Variants in TMEM131L observed in about 807,000 individuals in gnomAD.
The protein encoded by TMEM131L is transmembrane protein 131-like.
TMEM131L carries 54 observed loss-of-function variants against 192.2 expected under a neutral mutation model. The ratio of observed to expected loss-of-function variants is 0.28; its 90% CI spans 0.23 to 0.35. The LOEUF (loss-of-function observed/expected upper bound fraction) is 0.35. TMEM131L is among the 10% of genes least tolerant of loss of function. The pLI, the probability that TMEM131L is intolerant of heterozygous loss-of-function variation, is 1.00. For missense variants in TMEM131L, 1,888 were observed against 1,972.9 expected, an observed-to-expected ratio of 0.96 and a Z score of 0.82; for synonymous variants, 701 against 704.9, an observed-to-expected ratio of 0.99 and a Z score of 0.09.
At chr4:153,521,316 G>T (rs1487854024) in intron 3 of TMEM131L, among the ~76,000 whole-genome samples, 4 of 152,136 alleles carry the variant, frequency 2.6e-5, no homozygotes, top group East Asian at 1.9e-4. Context: ...AGTCTGGGCC[G>T]TGGCCTTCCA....
At chr4:153,535,329 C>T (rs184443254) in intron 3 of TMEM131L, among the ~76,000 whole-genome samples, 19 of 152,204 alleles carry the variant, frequency 1.2e-4, no homozygotes, top group Admixed American at 7.8e-4. Flanking sequence ...GATGTCTTTT[C>T]GACATTCCAG....
intron 7 of TMEM131L, among the ~76,000 whole-genome samples, chr4:153,575,757 G>A (rs1291167406): frequency 1.3e-5 from 2 of 152,034 alleles, no homozygotes; most frequent in East Asian, 3.9e-4. Flanking sequence ...AGTATGGGAG[G>A]TTTCAAAACT....
intron 3 of TMEM131L, among the ~76,000 whole-genome samples, chr4:153,536,939 G>A (rs1297949952): frequency 6.6e-6 from 1 of 152,156 alleles, no homozygotes; most frequent in Non-Finnish European, 1.5e-5. Flanking sequence ...TGGCTGGGAG[G>A]CTAAGCCAGT....
chr4:153,521,015 GTTC>G (rs2150145390), intron 3 of TMEM131L, among the ~76,000 whole-genome samples: 1 of 152,208 alleles, frequency 6.6e-6, no homozygotes, highest in East Asian at 1.9e-4. Flanking sequence ...TGGGAAGCCA[GTTC>G]TTTGTGTGTG....
intron 3 of TMEM131L, among the ~76,000 whole-genome samples, chr4:153,545,428 C>T (rs1331681257): frequency 6.6e-6 from 1 of 151,948 alleles, no homozygotes; most frequent in African/African-American, 2.4e-5. Context: ...GCTGGGACTA[C>T]AGGCGCCCGC....
intron 26 of TMEM131L, among the ~76,000 whole-genome samples, chr4:153,619,361 T>C (rs113138189): frequency 0.028 from 4,279 of 152,336 alleles, 156 homozygotes; most frequent in African/African-American, 0.089. Context: ...GGTGCATGTC[T>C]GTTTAACATT....
At position 153,635,428 on chromosome 4, in the gene TMEM131L, G is replaced by T. The variant is rs376318551; in HGVS notation, c.4418-4G>T. On this transcript the variant is annotated splice_polypyrimidine_tract_variant and splice_region_variant and intron_variant, in intron 33 of 34. Coordinates refer to ENST00000409959, the MANE Select transcript of TMEM131L (RefSeq NM_001131007.2). Reference sequence around the variant, plus strand: ...CTATGATGATATTCTCCCATTCTTTGTAGAAAACATGAACTATGCCAATGG... The same window carrying T: ...CTATGATGATATTCTCCCATTCTTTTTAGAAAACATGAACTATGCCAATGG... 4.9e-5 allele frequency: 79 copies of T among 1,613,154 alleles called. No individual in the cohort carries two copies. Among genetic ancestry groups the T allele is most frequent in the Non-Finnish European group, 5.3e-5 (62 of 1,179,424 alleles).
intron 28 of TMEM131L, 23 bp downstream of exon 28, chr4:153,621,872 A>G (rs1392455797): frequency 1.2e-6 from 2 of 1,609,602 alleles, no homozygotes; most frequent in South Asian, 2.2e-5. Context: ...ACTGAGCTAC[A>G]AATGGTGCTT....
chr4:153,566,903 C>T (rs1444816175), intron 7 of TMEM131L, among the ~76,000 whole-genome samples: 2 of 152,166 alleles, frequency 1.3e-5, no homozygotes, highest in Admixed American at 6.5e-5. Flanking sequence ...CTGGCACAGC[C>T]CTTGCTTTCA....
intron 33 of TMEM131L, 44 bp downstream of exon 33, chr4:153,634,324 A>G (rs1013614465): frequency 2.1e-6 from 3 of 1,455,758 alleles, no homozygotes; most frequent in African/African-American, 2.8e-5. Flanking sequence ...TTTTATTCTT[A>G]GAAGGTCAAA....
chr4:153,591,701 C>T (rs1731078227), intron 17 of TMEM131L, among the ~76,000 whole-genome samples: 1 of 152,194 alleles, frequency 6.6e-6, no homozygotes. Context: ...TGGCTAAGAA[C>T]TCTATACCAC....
chr4:153,559,725 T>C (rs1245277163), intron 7 of TMEM131L, among the ~76,000 whole-genome samples: 1 of 152,102 alleles, frequency 6.6e-6, no homozygotes, highest in Non-Finnish European at 1.5e-5. Context: ...ACTGCCAGGA[T>C]CTACTTTAGT....
intron 3 of TMEM131L, among the ~76,000 whole-genome samples, chr4:153,496,944 T>G (rs1410344381): frequency 2.6e-5 from 4 of 151,846 alleles, no homozygotes; most frequent in African/African-American, 9.7e-5. Flanking sequence ...CACTTCAGCC[T>G]TGAACTCCCA....
intron 3 of TMEM131L, among the ~76,000 whole-genome samples, chr4:153,494,353 A>G (rs1215266267): frequency 2.0e-5 from 3 of 152,242 alleles, no homozygotes; most frequent in South Asian, 4.1e-4. Context: ...TTAATGTCCA[A>G]TAGTACATCC....
intron 3 of TMEM131L, among the ~76,000 whole-genome samples, chr4:153,474,642 G>A (rs1250944232): frequency 1.3e-5 from 2 of 152,134 alleles, no homozygotes; most frequent in East Asian, 1.9e-4. Context: ...TGCAACCTCC[G>A]CCTCCTGGGT....
chr4:153,564,287 C>CA (rs1178320668), intron 7 of TMEM131L, among the ~76,000 whole-genome samples: 1,444 of 17,238 alleles, frequency 0.084, 115 homozygotes, highest in Non-Finnish European at 0.11. Flanking sequence ...AACTCCGTCT[C>CA]AAAAAAAAAA....
intron 3 of TMEM131L, among the ~76,000 whole-genome samples, chr4:153,547,383 G>T (rs939989231): frequency 6.6e-6 from 1 of 152,144 alleles, no homozygotes; most frequent in Non-Finnish European, 1.5e-5. Flanking sequence ...TTACCATCCC[G>T]TTTGGGGCTT....
At chr4:153,551,026 CTTG>C (rs954360704) in intron 4 of TMEM131L, among the ~76,000 whole-genome samples, 3 of 152,210 alleles carry the variant, frequency 2.0e-5, no homozygotes, top group African/African-American at 7.2e-5. Context: ...CATAAGGACT[CTTG>C]TTGTCCGTGA....
At chr4:153,474,669 C>T (rs1731401246) in intron 3 of TMEM131L, among the ~76,000 whole-genome samples, 1 of 152,196 alleles carries the variant, frequency 6.6e-6, no homozygotes, top group South Asian at 2.1e-4. Context: ...AATTCTCCTG[C>T]CTCAGCCTCT....
Sources: gnomAD v4.1 joint callset for allele counts (sites outside exome capture counted in the v4.1 genomes callset) on GRCh38, gnomAD v4.1.1 for gene constraint, MANE v1.5 for transcripts, NCBI Gene and HGNC (gene_info 2026-07-23, HGNC 2026-07-21) for gene names.